The following SRL variants were observed in gnomAD, a reference collection of about 807,000 sequenced individuals.
The protein encoded by SRL is sarcalumenin.
Under a neutral mutation model 39.5 loss-of-function variants are expected in SRL, and 23 were observed. The ratio of observed to expected loss-of-function variants is 0.58; its 90% CI spans 0.42 to 0.82. SRL has a LOEUF of 0.82. Ranked by LOEUF, SRL falls within the 40% of genes least tolerant of loss-of-function variation. The probability of loss-of-function intolerance (pLI) is 0.00; values close to 1 mark genes in which losing one functional copy is unlikely to be tolerated. For missense variants in SRL, 592 were observed against 607.8 expected (o/e 0.97, Z 0.27); for synonymous variants, 272 against 237.4 (o/e 1.15, Z -1.34).
At chr16:4,220,764 G>A (rs886910006) in intron 1 of SRL, among the ~76,000 whole-genome samples, 3 of 151,912 alleles carry the variant, frequency 2.0e-5, no homozygotes, top group South Asian at 2.1e-4. Context: ...TGAGGCAGGG[G>A]GATCGCTTGA....
intron 3 of SRL, among the ~76,000 whole-genome samples, chr16:4,200,256 G>C (rs936777667): frequency 9.2e-5 from 14 of 152,200 alleles, no homozygotes; most frequent in Non-Finnish European, 1.8e-4. Flanking sequence ...AGGCTGAGAG[G>C]GTGGCAGGAA....
chr16:4,241,469 C>A (rs906065152), intron 1 of SRL, among the ~76,000 whole-genome samples: 22 of 152,196 alleles, frequency 1.4e-4, no homozygotes, highest in Non-Finnish European at 2.4e-4. Context: ...CCAGCCCAAC[C>A]GCCAACTCTA....
intron 1 of SRL, among the ~76,000 whole-genome samples, chr16:4,224,564 A>G (rs996025916): frequency 3.3e-5 from 5 of 152,044 alleles, no homozygotes; most frequent in Admixed American, 3.3e-4. Flanking sequence ...AAAATTAAAA[A>G]AATTAGTGTG....
rs1009163254 is a variant in SRL, at chr16:4,192,043, T to C, written c.*110A>G. 8.1e-7 allele frequency: 1 copy of C among 1,233,662 alleles called. No individual in the cohort carries two copies. Among genetic ancestry groups the C allele is most frequent in the Admixed American group, 2.3e-5 (1 of 43,352 alleles). The allele number at this position is 1,233,662 out of a possible 1,614,324, so 76.4% of individuals were successfully genotyped here. A position where few individuals can be genotyped will look rare whatever the true frequency, so the allele number is the denominator to read the frequency against. ...CCTCAATGAACTCCCAACTCTCCAC[T>C]GTGTAATAATTCCTGCCAGTGTGGC... is the stretch of plus-strand genomic sequence containing the variant. On this transcript the variant is annotated 3_prime_UTR_variant, in exon 6 of 6. Transcript: ENST00000399609. This position sits in a 1 kb window ranked among gnomAD's most constrained non-coding sequence, Gnocchi z 4.0.
At chr16:4,205,759 C>T (rs1206770451) in intron 1 of SRL, among the ~76,000 whole-genome samples, 1 of 151,998 alleles carries the variant, frequency 6.6e-6, no homozygotes, top group Non-Finnish European at 1.5e-5. Context: ...ATCCCAAGAG[C>T]AATGGGAGCC....
Position 4,190,722 on chromosome 16 carries a change from A to T in SRL, c.*1431T>A, listed in dbSNP as rs1356074070. 1 of 363,804 alleles carries T rather than the reference A, an allele frequency of 2.7e-6. No homozygotes were observed. Among genetic ancestry groups the T allele is most frequent in the Non-Finnish European group, 4.9e-6 (1 of 203,932 alleles). The allele number at this position is 363,804 out of a possible 1,614,324, so 22.5% of individuals were successfully genotyped here. A position where few individuals can be genotyped will look rare whatever the true frequency, so the allele number is the denominator to read the frequency against. On this transcript the variant is annotated 3_prime_UTR_variant, in exon 6 of 6. Transcript: ENST00000399609. ...GTGTGTTCAGTGGACATCTGCATCA[A>T]GGTCAGGCGGGAAGGTCAATGTTAA...
chr16:4,226,231 C>T (rs1157462928), intron 1 of SRL, among the ~76,000 whole-genome samples: 3 of 152,230 alleles, frequency 2.0e-5, no homozygotes, highest in African/African-American at 7.2e-5. Context: ...AGTTTCCTGT[C>T]TGTCAGGGAT....
intron 4 of SRL, among the ~76,000 whole-genome samples, chr16:4,196,235 C>T (rs754673694): frequency 3.3e-5 from 5 of 152,116 alleles, no homozygotes; most frequent in Non-Finnish European, 5.9e-5. Context: ...GCTGGGATTA[C>T]AGGTGTGGGC....
Position 4,190,496 on chromosome 16 carries a change from T to A in SRL, c.*1657A>T. 1 of 398,752 alleles carries A rather than the reference T, an allele frequency of 2.5e-6. No homozygotes were observed. The highest frequency in any genetic ancestry group is 4.4e-6 in the Non-Finnish European group (1 of 226,210). 24.7% of individuals were successfully genotyped at this position (398,752 alleles called of 1,614,324 possible). ...TGCACAGACTGTGCACCATGCACATTTCACCATCCAAAGGCTGCTTCTTCC... is the reference window on the plus strand; with the variant it reads ...TGCACAGACTGTGCACCATGCACATATCACCATCCAAAGGCTGCTTCTTCC... On this transcript the variant is annotated 3_prime_UTR_variant, in exon 6 of 6. Transcript: ENST00000399609.
chr16:4,217,501 C>T (rs2052473543), intron 1 of SRL, among the ~76,000 whole-genome samples: 1 of 152,216 alleles, frequency 6.6e-6, no homozygotes, highest in South Asian at 2.1e-4. Context: ...ATCCTCCAGC[C>T]TTAGCGTCTC....
chr16:4,205,967 T>G (rs1400934771), intron 1 of SRL, among the ~76,000 whole-genome samples: 1 of 151,288 alleles, frequency 6.6e-6, no homozygotes, highest in Non-Finnish European at 1.5e-5. Flanking sequence ...AGTATGTAAA[T>G]TAATTCTTCA....
intron 1 of SRL, among the ~76,000 whole-genome samples, chr16:4,228,696 C>G (rs1239760414): frequency 6.6e-6 from 1 of 151,636 alleles, no homozygotes; most frequent in East Asian, 1.9e-4. Context: ...GATCATGCCA[C>G]TGCACTCCAG....
At chr16:4,241,313 C>T (rs1003822593) in intron 1 of SRL, among the ~76,000 whole-genome samples, 1 of 152,188 alleles carries the variant, frequency 6.6e-6, no homozygotes, top group African/African-American at 2.4e-5. Context: ...AAGCCACCAC[C>T]TCTGCTACCC....
chr16:4,192,029 T>G lies in SRL; in HGVS notation c.*124A>C. Reference sequence around the variant, plus strand: ...GCCCCGACCCCTGGCCTCAATGAACTCCCAACTCTCCACTGTGTAATAATT... The same window carrying G: ...GCCCCGACCCCTGGCCTCAATGAACGCCCAACTCTCCACTGTGTAATAATT... On this transcript the variant is annotated 3_prime_UTR_variant, in exon 6 of 6. Transcript: ENST00000399609. This position sits in a 1 kb window ranked among gnomAD's most constrained non-coding sequence, Gnocchi z 4.0. The G allele has an allele frequency of 8.8e-7, 1 of 1,135,150 alleles. No individual in the cohort carries two copies. The allele number at this position is 1,135,150 out of a possible 1,614,324, so 70.3% of individuals were successfully genotyped here.
chr16:4,196,280 T>C (rs1267421106), intron 4 of SRL, among the ~76,000 whole-genome samples: 1 of 151,942 alleles, frequency 6.6e-6, no homozygotes, highest in Non-Finnish European at 1.5e-5. Context: ...ATTTTAATCA[T>C]TTTAAAGCAT....
intron 1 of SRL, among the ~76,000 whole-genome samples, chr16:4,228,445 A>G (rs1332150016): frequency 6.6e-6 from 1 of 151,978 alleles, no homozygotes; most frequent in Non-Finnish European, 1.5e-5. Flanking sequence ...TGAAACAAAC[A>G]AACAAAAAGG....
At position 4,205,156 on chromosome 16, in the gene SRL, C is replaced by T. The variant is rs544889102; in HGVS notation, c.62-522G>A. Among the ~76,000 whole-genome samples the T allele has an allele frequency of 7.9e-5, 12 of 152,052 alleles. No homozygotes were observed. The South Asian group carries it at 2.5e-3, about 32-fold the overall frequency. ...TAGGCAACATAGCAAGACCCCATCT[C>T]TACCAAAAAAAAACTTTCCAAGGAG... On this transcript the variant is annotated intron_variant, in intron 1 of 5. Transcript: ENST00000399609.
At chr16:4,200,147 C>A (rs1194792165) in intron 3 of SRL, among the ~76,000 whole-genome samples, 2 of 152,194 alleles carry the variant, frequency 1.3e-5, no homozygotes, top group East Asian at 1.9e-4. Flanking sequence ...GAAAGCAACA[C>A]CATGGCCCTG....
chr16:4,199,693 C>CTTTTTTTTTTTTT (rs35631556), intron 3 of SRL, among the ~76,000 whole-genome samples: 2 of 96,460 alleles, frequency 2.1e-5, no homozygotes, highest in African/African-American at 4.0e-5. Context: ...TTTTCTTTTC[C>CTTTTTTTTTTTTT]TTTTTTTTTT....
Sources: gnomAD v4.1 joint callset for allele counts (sites outside exome capture counted in the v4.1 genomes callset) on GRCh38, gnomAD v4.1.1 for gene constraint, Gnocchi (gnomAD v3.1) non-coding constraint, MANE v1.5 for transcripts, NCBI Gene and HGNC (gene_info 2026-07-23, HGNC 2026-07-21) for gene names.